Variants in ATP9A observed in about 807,000 individuals in gnomAD.
ATP9A encodes the protein probable phospholipid-transporting ATPase IIA.
A neutral mutation model predicts 144.1 loss-of-function variants in ATP9A; 52 were observed. The ratio of observed to expected loss-of-function variants is 0.36; its 90% CI spans 0.29 to 0.45. The LOEUF (loss-of-function observed/expected upper bound fraction) is 0.45. Ranked by LOEUF, ATP9A falls within the 20% of genes least tolerant of loss-of-function variation. ATP9A has a pLI of 1.00. For synonymous variants in ATP9A, 582 were observed against 557.4 expected (o/e 1.04, Z -0.62); for missense variants, 947 against 1,392.7 (o/e 0.68, Z 5.09).
chr20:51,727,120 C>A (rs1023035400), intron 2 of ATP9A, among the ~76,000 whole-genome samples: 1 of 151,096 alleles, frequency 6.6e-6, no homozygotes, highest in Non-Finnish European at 1.5e-5. Flanking sequence ...GGTGAAACCC[C>A]GTCTCTACAA....
At chr20:51,737,185 AACAGCCTCACCTGC>A (rs1394904798) in intron 1 of ATP9A, among the ~76,000 whole-genome samples, 1 of 152,182 alleles carries the variant, frequency 6.6e-6, no homozygotes, top group African/African-American at 2.4e-5. Context: ...CACTACCATG[AACAGCCTCACCTGC>A]ACAATTCTTT....
intron 13 of ATP9A, among the ~76,000 whole-genome samples, chr20:51,657,887 C>A (rs1210950693): frequency 6.6e-6 from 1 of 152,196 alleles, no homozygotes; most frequent in Non-Finnish European, 1.5e-5. Context: ...TAACTGTGCT[C>A]AAGTTTTGCC....
chr20:51,680,666 G>C (rs1316647057), intron 9 of ATP9A, among the ~76,000 whole-genome samples: 1 of 152,038 alleles, frequency 6.6e-6, no homozygotes, highest in Non-Finnish European at 1.5e-5. Context: ...TAACCGAGAG[G>C]CAAGAGTTAC....
chr20:51,638,662 A>C (rs2077305658), intron 15 of ATP9A, among the ~76,000 whole-genome samples: 1 of 152,182 alleles, frequency 6.6e-6, no homozygotes, highest in Non-Finnish European at 1.5e-5. Flanking sequence ...CAGGAGTTTG[A>C]GACCAGCCTG....
At chr20:51,658,895 G>GGGGGC (rs1393906608) in intron 13 of ATP9A, among the ~76,000 whole-genome samples, 1 of 117,534 alleles carries the variant, frequency 8.5e-6, no homozygotes, top group Non-Finnish European at 1.8e-5. Context: ...TGGCGGGGGG[G>GGGGGC]GGGGGGGGAA....
chr20:51,673,611 A>G, intron 11 of ATP9A, among the ~76,000 whole-genome samples: 1 of 152,112 alleles, frequency 6.6e-6, no homozygotes. Flanking sequence ...TGGCATCCCT[A>G]GCATAGGGAG....
intron 9 of ATP9A, 95 bp from the exon 10 acceptor site, chr20:51,676,303 G>C (rs2077477030): frequency 2.0e-6 from 2 of 996,766 alleles, no homozygotes; most frequent in South Asian, 1.6e-5. Context: ...TTGAGAGACT[G>C]GGTTCTTTTT....
chr20:51,641,648 C>T (rs912052932), intron 14 of ATP9A, among the ~76,000 whole-genome samples: 9 of 150,932 alleles, frequency 6.0e-5, no homozygotes, highest in African/African-American at 2.2e-4. Flanking sequence ...AACCCCATCT[C>T]TACTAAAAAA....
chr20:51,752,261 C>T lies in ATP9A; in HGVS notation c.68+16041G>A, dbSNP rs59674612. On this transcript the variant is annotated intron_variant, in intron 1 of 27. Coordinates refer to ENST00000338821, the MANE Select transcript of ATP9A (RefSeq NM_006045.3). ...CCTGGAAAATAAAACAATGACAGTA[C>T]CTAGTATTGGACGATGCCATTAAGA... 7.3e-3 allele frequency among the ~76,000 whole-genome samples: 1,109 copies of T among 152,158 alleles called. 11 individuals are homozygous for T. The highest frequency in any genetic ancestry group is 0.016 in the African/African-American group (671 of 41,514).
chr20:51,763,590 GGA>G (rs2077891715), intron 1 of ATP9A, among the ~76,000 whole-genome samples: 3 of 152,122 alleles, frequency 2.0e-5, no homozygotes, highest in South Asian at 2.1e-4. Flanking sequence ...TGGGATTACA[GGA>G]ATGAGCCACC....
intron 22 of ATP9A, among the ~76,000 whole-genome samples, chr20:51,616,940 C>CTTTT (rs556430829): frequency 1.5e-5 from 2 of 131,074 alleles, no homozygotes; most frequent in Non-Finnish European, 3.2e-5. Context: ...TATAGAGAAA[C>CTTTT]TTTTTTTTTT....
At chr20:51,619,986 A>C (rs545337670) in intron 19 of ATP9A, among the ~76,000 whole-genome samples, 36 of 152,276 alleles carry the variant, frequency 2.4e-4, no homozygotes, top group African/African-American at 5.3e-4. Context: ...CAAAAAGAAG[A>C]AGCTCTATTT....
At chr20:51,662,006 G>A (rs1218858873) in intron 13 of ATP9A, among the ~76,000 whole-genome samples, 1 of 152,140 alleles carries the variant, frequency 6.6e-6, no homozygotes, top group East Asian at 1.9e-4. Context: ...ACTGTGAGGG[G>A]ACAGGGGTAC....
chr20:51,696,427 C>T lies in ATP9A; in HGVS notation c.496-283G>A, dbSNP rs142372864. Among the ~76,000 whole-genome samples the T allele has an allele frequency of 2.6e-4, 40 of 152,312 alleles. 2 individuals are homozygous for T. The East Asian group carries it at 7.7e-3, about 29-fold the overall frequency. ...AGTTTTCTGGCACATTCAACCATTA[C>T]CTCCCAAAATCCCAAAAGCCTGCCT... On this transcript the variant is annotated intron_variant, in intron 5 of 27. Coordinates refer to ENST00000338821, the MANE Select transcript of ATP9A (RefSeq NM_006045.3).
intron 9 of ATP9A, among the ~76,000 whole-genome samples, chr20:51,678,983 G>T (rs2077488910): frequency 6.6e-6 from 1 of 151,996 alleles, no homozygotes; most frequent in Non-Finnish European, 1.5e-5. Context: ...TGCCTTCAAG[G>T]TTCTGAATAA....
rs2077348313 is a variant in ATP9A at position 51,647,895 on chromosome 20, GC to G, written c.1507-8392del. On this transcript the variant is annotated intron_variant, in intron 14 of 27. Transcript: ENST00000338821. ...TACAGTGTCTGTAAAACACTGTCCA[GC>G]CCTGCTCAAACAGCCCCCGCTGTCT... Among the ~76,000 whole-genome samples, 3 of 152,258 alleles carry G rather than the reference GC, an allele frequency of 2.0e-5. No homozygotes were observed. The South Asian group carries it at 6.2e-4, about 32-fold the overall frequency.
Position 51,668,096 on chromosome 20 carries a change from G to GA in ATP9A, c.1293+1900_1293+1901insT, listed in dbSNP as rs1190318982. Among the ~76,000 whole-genome samples the GA allele has an allele frequency of 4.5e-4, 19 of 42,574 alleles. 1 individual carries two copies. Among genetic ancestry groups the GA allele is most frequent in the African/African-American group, 1.1e-3 (18 of 16,816 alleles). 27.9% of individuals were successfully genotyped at this position (42,574 alleles called of 152,430 possible). A position where few individuals can be genotyped will look rare whatever the true frequency, so the allele number is the denominator to read the frequency against. ...AAGAAGGAAGGGAGGTGGGGGGGGG[G>GA]GGGGGCGGAAGGGCTGGGAGTGGGC... On this transcript the variant is annotated intron_variant, in intron 13 of 27. Coordinates refer to ENST00000338821, the MANE Select transcript of ATP9A (RefSeq NM_006045.3).
At chr20:51,610,035 T>C in intron 24 of ATP9A, 66 bp downstream of exon 24, 1 of 1,433,376 alleles carries the variant, frequency 7.0e-7, no homozygotes, top group Non-Finnish European at 9.8e-7. Context: ...ACCACGTTTC[T>C]TCTCTCTGTT....
chr20:51,674,524 A>G (rs2077469229), intron 10 of ATP9A, among the ~76,000 whole-genome samples: 1 of 152,168 alleles, frequency 6.6e-6, no homozygotes, highest in Non-Finnish European at 1.5e-5. Flanking sequence ...CACTGCTTCC[A>G]TGGGCTGGTG....
Sources: gnomAD v4.1 joint callset for allele counts (sites outside exome capture counted in the v4.1 genomes callset) on GRCh38, gnomAD v4.1.1 for gene constraint, MANE v1.5 for transcripts, NCBI Gene and HGNC (gene_info 2026-07-23, HGNC 2026-07-21) for gene names.